NRXN1: variants seen among roughly 807,000 people sequenced by gnomAD.
NRXN1 encodes neurexin 1, also known as neurexin-1.
In NRXN1, 39 loss-of-function variants were observed where a neutral mutation model predicts 150.9. The observed-to-expected ratio is 0.26, with a 90% CI of 0.20 to 0.34. NRXN1 has a LOEUF of 0.34. Among genes scored for constraint, NRXN1 ranks in the 10% least tolerant of loss-of-function variants. NRXN1 has a pLI of 1.00. For synonymous variants in NRXN1, 924 were observed against 757.0 expected (o/e 1.22, Z -3.62); for missense variants, 1,815 against 1,949.9 (o/e 0.93, Z 1.30).
chr2:50,696,668 C>T (rs1692930026), intron 5 of NRXN1, among the ~76,000 whole-genome samples: 1 of 152,144 alleles, frequency 6.6e-6, no homozygotes, highest in Non-Finnish European at 1.5e-5. Context: ...AGCAAGCACA[C>T]CCATTAAAAC....
chr2:50,939,690 G>A (rs937955405), intron 2 of NRXN1, among the ~76,000 whole-genome samples: 9 of 152,168 alleles, frequency 5.9e-5, no homozygotes, highest in African/African-American at 1.2e-4. Flanking sequence ...TACCTAACAC[G>A]TAAATACTAA....
At chr2:50,704,018 TA>T (rs1187704170) in intron 5 of NRXN1, among the ~76,000 whole-genome samples, 1 of 152,070 alleles carries the variant, frequency 6.6e-6, no homozygotes, top group African/African-American at 2.4e-5. Context: ...GAGTTTAACT[TA>T]CATCACTTCT....
Position 50,651,196 on chromosome 2 carries a change from A to G in NRXN1, c.833-27581T>C, listed in dbSNP as rs569114985. Among the ~76,000 whole-genome samples, 7 of 152,146 alleles carry G rather than the reference A, an allele frequency of 4.6e-5. No individual in the cohort carries two copies. The East Asian group carries it at 1.4e-3, about 30-fold the overall frequency. The stretch of plus-strand genomic sequence containing the variant: ...TTTTTTCTGTAATTCTTTAAAAATG[A>G]GTGATCTACATGTCATACATGTATA... On this transcript the variant is annotated intron_variant, in intron 5 of 22. Coordinates refer to ENST00000401669, the MANE Select transcript of NRXN1 (RefSeq NM_001330078.2).
chr2:50,264,227 C>G (rs1214937514), intron 17 of NRXN1, among the ~76,000 whole-genome samples: 1 of 151,922 alleles, frequency 6.6e-6, no homozygotes, highest in Non-Finnish European at 1.5e-5. Flanking sequence ...TGAAACAGCT[C>G]TCTACTGGCT....
chr2:50,624,487 C>A (rs994746005), intron 5 of NRXN1, among the ~76,000 whole-genome samples: 8 of 152,048 alleles, frequency 5.3e-5, no homozygotes, highest in African/African-American at 1.7e-4. Flanking sequence ...GTTCAAAGAT[C>A]TTTTTCAATG....
chr2:50,009,066 T>G (rs978963396), intron 21 of NRXN1, among the ~76,000 whole-genome samples: 1 of 152,168 alleles, frequency 6.6e-6, no homozygotes, highest in Non-Finnish European at 1.5e-5. Flanking sequence ...TTTTCCAAAA[T>G]TATTAATTAA....
chr2:50,837,977 G>A (rs186262571), intron 5 of NRXN1, among the ~76,000 whole-genome samples: 160 of 152,156 alleles, frequency 1.1e-3, no homozygotes, highest in Non-Finnish European at 2.0e-3. Context: ...TTGATATTCT[G>A]CATTGCTGGC....
At chr2:50,519,893 C>T (rs902011672) in intron 12 of NRXN1, among the ~76,000 whole-genome samples, 3 of 151,830 alleles carry the variant, frequency 2.0e-5, no homozygotes, top group Non-Finnish European at 4.4e-5. Flanking sequence ...CCTGGAATTG[C>T]TTTATATAAC....
At chr2:50,883,788 G>A (rs966227386) in intron 5 of NRXN1, among the ~76,000 whole-genome samples, 14 of 151,742 alleles carry the variant, frequency 9.2e-5, no homozygotes, top group Admixed American at 8.6e-4. Context: ...TGACAATTTA[G>A]AAACATAATA....
intron 8 of NRXN1, among the ~76,000 whole-genome samples, chr2:50,557,097 G>A (rs1558933017): frequency 6.6e-6 from 1 of 152,158 alleles, no homozygotes; most frequent in African/African-American, 2.4e-5. Context: ...CTCGTACACA[G>A]ACATGCCTCG....
chr2:50,369,209 G>C (rs1233449949), intron 17 of NRXN1, among the ~76,000 whole-genome samples: 1 of 151,782 alleles, frequency 6.6e-6, no homozygotes, highest in African/African-American at 2.4e-5. Flanking sequence ...AAAAATCACA[G>C]CAACTGCAGA....
chr2:50,048,979 A>C (rs1398201318), intron 21 of NRXN1, among the ~76,000 whole-genome samples: 1 of 152,186 alleles, frequency 6.6e-6, no homozygotes, highest in Non-Finnish European at 1.5e-5. Context: ...AAATAAGATA[A>C]AAAGAAAATA....
At chr2:50,240,906 A>G (rs78054848) in intron 17 of NRXN1, among the ~76,000 whole-genome samples, 3,031 of 151,828 alleles carry the variant, frequency 0.02, 97 homozygotes, top group African/African-American at 0.07. Flanking sequence ...AAAAATATAA[A>G]ATAATGAACA....
At chr2:50,930,686 G>A (rs1182069523) in intron 2 of NRXN1, among the ~76,000 whole-genome samples, 1 of 152,132 alleles carries the variant, frequency 6.6e-6, no homozygotes, top group Non-Finnish European at 1.5e-5. Flanking sequence ...AAGGAACACT[G>A]AATTTAACAG....
chr2:50,409,655 G>C (rs898768883), intron 17 of NRXN1, among the ~76,000 whole-genome samples: 5 of 152,170 alleles, frequency 3.3e-5, no homozygotes, highest in Admixed American at 6.5e-5. Flanking sequence ...CCTACTTTTT[G>C]AGTTAAGCCC....
chr2:50,415,341 G>A (rs766291827), intron 17 of NRXN1, among the ~76,000 whole-genome samples: 1 of 152,094 alleles, frequency 6.6e-6, no homozygotes, highest in Admixed American at 6.5e-5. Flanking sequence ...AGAGGTTGCA[G>A]TGTAAGGTGT....
rs941344294 is a variant in NRXN1 at position 50,093,836 on chromosome 2, G to C, written c.3547-2342C>G. On this transcript the variant is annotated intron_variant, in intron 18 of 22. Coordinates refer to ENST00000401669, the MANE Select transcript of NRXN1 (RefSeq NM_001330078.2). ...CAGGGTGATTAAGCAATTTGGCTAA[G>C]GTCGCACAGCTGGAAAGAGAAAAGC... Among the ~76,000 whole-genome samples, 4 of 152,212 alleles carry C rather than the reference G, an allele frequency of 2.6e-5. No homozygotes were observed. The South Asian group carries it at 8.3e-4, about 32-fold the overall frequency.
chr2:50,890,149 T>C (rs1325906275), intron 5 of NRXN1, among the ~76,000 whole-genome samples: 1 of 151,838 alleles, frequency 6.6e-6, no homozygotes, highest in Admixed American at 6.6e-5. Flanking sequence ...TCTTTGTATT[T>C]AATATCATGC....
At chr2:49,924,454 C>CA (rs1032567354) in intron 22 of NRXN1, among the ~76,000 whole-genome samples, 2 of 151,790 alleles carry the variant, frequency 1.3e-5, no homozygotes, top group South Asian at 2.1e-4. Context: ...ACTATCTTAT[C>CA]AAAAAAATTT....
Sources: allele counts gnomAD v4.1 joint callset (sites outside exome capture counted in the v4.1 genomes callset), GRCh38; gene constraint gnomAD v4.1.1; transcripts MANE v1.5; gene names NCBI Gene and HGNC (gene_info 2026-07-23, HGNC 2026-07-21).